CYLD: variants seen among roughly 807,000 people sequenced by gnomAD.
The protein encoded by CYLD is ubiquitin carboxyl-terminal hydrolase CYLD.
CYLD carries 26 observed loss-of-function variants against 104.5 expected under a neutral mutation model. The ratio of observed to expected loss-of-function variants is 0.25; its 90% CI spans 0.18 to 0.35. CYLD has a LOEUF of 0.35. CYLD is among the 10% of genes least tolerant of loss of function. The probability of loss-of-function intolerance (pLI) is 1.00; values close to 1 mark genes in which losing one functional copy is unlikely to be tolerated. For missense variants in CYLD, 703 were observed against 1,136.1 expected (o/e 0.62, Z 5.48); for synonymous variants, 385 against 399.9 (o/e 0.96, Z 0.45).
At chr16:50,792,370 C>G (rs1186074534) in intron 15 of CYLD, among the ~76,000 whole-genome samples, 1 of 152,126 alleles carries the variant, frequency 6.6e-6, no homozygotes, top group Non-Finnish European at 1.5e-5. Flanking sequence ...TTATTGAACT[C>G]TGTGACCTCT....
chr16:50,751,537 A>C lies in CYLD; in HGVS notation c.505-67A>C, dbSNP rs1340340990. ...AGAGTGATTTTCCTGAAATCCCTAG[A>C]GTGAACCCCTTTTCCTATGGATCGT... On this transcript the variant is annotated intron_variant, in intron 3 of 18. Transcript: ENST00000427738. 6.3e-6 allele frequency: 9 copies of C among 1,426,156 alleles called. No individual in the cohort carries two copies. In the Admixed American group the frequency reaches 1.6e-4, roughly 25 times the overall value. The allele number at this position is 1,426,156 out of a possible 1,614,324, so 88.3% of individuals were successfully genotyped here. A position where few individuals can be genotyped will look rare whatever the true frequency, so the allele number is the denominator to read the frequency against.
intron 11 of CYLD, chr16:50,783,819 A>G (rs1363031015): frequency 1.8e-5 from 3 of 164,124 alleles, no homozygotes; most frequent in African/African-American, 7.2e-5. Flanking sequence ...GATTGCAGGC[A>G]TGAGCCACCG....
intron 16 of CYLD, 135 bp from the exon 17 acceptor site, chr16:50,793,411 T>C (rs561445693): frequency 3.9e-6 from 3 of 768,696 alleles, no homozygotes; most frequent in South Asian, 1.4e-5. Context: ...CTTAAGCAGA[T>C]GGAAGAGAAA....
intron 14 of CYLD, among the ~76,000 whole-genome samples, chr16:50,788,582 TG>T (rs1408647671): frequency 1.3e-5 from 2 of 152,160 alleles, no homozygotes; most frequent in Non-Finnish European, 2.9e-5. Flanking sequence ...GGTGGTGCCA[TG>T]GCTGTGGTTT....
rs559569671 is a variant in CYLD at position 50,764,341 on chromosome 16, C to G, written c.913+9917C>G. On this transcript the variant is annotated intron_variant, in intron 5 of 18. Transcript: ENST00000427738. ...AATGTTTAGCTACTGATGAAATATCCTTTAACATTTGTTTGTTTTTGATTG... is the reference window on the plus strand; with the variant it reads ...AATGTTTAGCTACTGATGAAATATCGTTTAACATTTGTTTGTTTTTGATTG... Among the ~76,000 whole-genome samples the G allele has an allele frequency of 2.6e-5, 4 of 152,170 alleles. No homozygotes were observed. The South Asian group carries it at 8.3e-4, about 32-fold the overall frequency.
At chr16:50,785,999 C>A (rs2111435) in intron 12 of CYLD, 1 of 151,910 alleles carries the variant, frequency 6.6e-6, no homozygotes, top group Non-Finnish European at 1.5e-5. Flanking sequence ...TGGTAGCCGC[C>A]AAGTTCTCCT....
At chr16:50,751,962 A>G (rs2150904620) in intron 4 of CYLD, 56 bp downstream of exon 4, 2 of 561,000 alleles carry the variant, frequency 3.6e-6, no homozygotes, top group East Asian at 5.0e-5. Context: ...TTATATATAT[A>G]TGTATATATA....
In CYLD at chr16:50,799,483, C is replaced by T. The variant is rs886052062; in HGVS notation, c.*2975C>T. ...CGTTGAAAACTAGGATAAACAGCAACAAAAATCAACTAAATATGTTGTTAC... is the reference window on the plus strand; with the variant it reads ...CGTTGAAAACTAGGATAAACAGCAATAAAAATCAACTAAATATGTTGTTAC... On this transcript the variant is annotated 3_prime_UTR_variant, in exon 19 of 19. Coordinates refer to ENST00000427738, the MANE Select transcript of CYLD (RefSeq NM_001378743.1). 5.6e-5 allele frequency: 13 copies of T among 233,664 alleles called. No homozygotes were observed. In the South Asian group the frequency reaches 1.8e-3, roughly 33 times the overall value. 14.5% of individuals were successfully genotyped at this position (233,664 alleles called of 1,614,324 possible). A position where few individuals can be genotyped will look rare whatever the true frequency, so the allele number is the denominator to read the frequency against.
chr16:50,747,956 G>A (rs529473880), intron 2 of CYLD, among the ~76,000 whole-genome samples: 5 of 152,324 alleles, frequency 3.3e-5, no homozygotes, highest in African/African-American at 1.2e-4. Context: ...TTTTAGGAAC[G>A]TTACCATTAT....
intron 5 of CYLD, among the ~76,000 whole-genome samples, chr16:50,756,320 A>G (rs764669528): frequency 1.1e-4 from 17 of 152,192 alleles, no homozygotes; most frequent in Non-Finnish European, 2.1e-4. Flanking sequence ...TTTAAACTAG[A>G]AGGCTTTACA....
At chr16:50,750,246 A>C (rs200525179) in intron 3 of CYLD, 44 bp downstream of exon 3, 94 of 1,606,908 alleles carry the variant, frequency 5.8e-5, no homozygotes, top group Admixed American at 2.2e-4. Context: ...GTTTGTGTTC[A>C]TGTGTGTCTG....
chr16:50,754,517 T>C, intron 5 of CYLD, 93 bp downstream of exon 5: 1 of 856,648 alleles, frequency 1.2e-6, no homozygotes, highest in South Asian at 1.6e-5. Flanking sequence ...GAACAGGTGG[T>C]GTTTGGTTAC....
intron 5 of CYLD, among the ~76,000 whole-genome samples, chr16:50,774,378 T>G (rs1326705231): frequency 6.6e-6 from 1 of 152,198 alleles, no homozygotes; most frequent in Non-Finnish European, 1.5e-5. Flanking sequence ...CTATGGATAG[T>G]ACTGAACCCT....
intron 5 of CYLD, among the ~76,000 whole-genome samples, chr16:50,768,743 G>T (rs890734209): frequency 4.6e-5 from 7 of 152,212 alleles, no homozygotes; most frequent in African/African-American, 1.4e-4. Context: ...AGTTCAACCT[G>T]TGTCTTCTGT....
At chr16:50,743,761 A>C (rs1312518663) in intron 2 of CYLD, among the ~76,000 whole-genome samples, 1 of 152,224 alleles carries the variant, frequency 6.6e-6, no homozygotes, top group Non-Finnish European at 1.5e-5. Context: ...GGAAGCTAGT[A>C]TCAAATAAAC....
chr16:50,768,328 CA>C (rs1205798507), intron 5 of CYLD, among the ~76,000 whole-genome samples: 1 of 152,080 alleles, frequency 6.6e-6, no homozygotes, highest in Non-Finnish European at 1.5e-5. Flanking sequence ...TTCATGTCAT[CA>C]TTAGGACTCT....
intron 5 of CYLD, among the ~76,000 whole-genome samples, chr16:50,757,815 C>T (rs749189740): frequency 3.9e-5 from 6 of 152,292 alleles, no homozygotes; most frequent in Admixed American, 1.3e-4. Flanking sequence ...GGACTACAGG[C>T]GTGAGCCACT....
rs953548277 is a variant in CYLD at position 50,791,328 on chromosome 16, C to T, written c.2109-230C>T. Among the ~76,000 whole-genome samples, 3 of 152,216 alleles carry T rather than the reference C, an allele frequency of 2.0e-5. No homozygotes were observed. In the East Asian group the frequency reaches 5.8e-4, roughly 29 times the overall value. On this transcript the variant is annotated intron_variant, in intron 14 of 18. Coordinates refer to ENST00000427738, the MANE Select transcript of CYLD (RefSeq NM_001378743.1). ...ATTTTTTTCCTAATCACTAGGAGAA[C>T]TTTCCAGTCTAAAAACTAAGCAAAA... is the stretch of plus-strand genomic sequence containing the variant.
chr16:50,795,525 C>T (rs539626611), intron 18 of CYLD: 2 of 702,806 alleles, frequency 2.8e-6, no homozygotes, highest in Middle Eastern at 4.6e-4. Flanking sequence ...TTCCTCCATT[C>T]TTATACCCTA....
Sources: allele counts gnomAD v4.1 joint callset (sites outside exome capture counted in the v4.1 genomes callset), GRCh38; gene constraint gnomAD v4.1.1; transcripts MANE v1.5; gene names NCBI Gene and HGNC (gene_info 2026-07-23, HGNC 2026-07-21).